Variants in CSPG4 observed in about 807,000 individuals in gnomAD.
CSPG4 encodes the protein chondroitin sulfate proteoglycan 4, also known as chondroitin sulfate proteoglycan 4 (melanoma-associated).
Under a neutral mutation model 139.3 loss-of-function variants are expected in CSPG4, and 74 were observed. The observed-to-expected ratio is 0.53, with a 90% CI of 0.44 to 0.64. The LOEUF is 0.64. CSPG4 is among the 30% of genes least tolerant of loss of function. The probability of loss-of-function intolerance (pLI) is 0.00; values close to 1 mark genes in which losing one functional copy is unlikely to be tolerated. For missense variants in CSPG4, 2,565 were observed against 3,148.3 expected (o/e 0.81, Z 4.43); for synonymous variants, 1,234 against 1,394.2 (o/e 0.89, Z 2.56).
At chr15:75,713,252 C>T (rs746077508), upstream of CSPG4, among the ~76,000 whole-genome samples, 3 of 152,210 alleles carry the variant, frequency 2.0e-5, no homozygotes, top group Non-Finnish European at 4.4e-5. Flanking sequence ...CCCTCACAGG[C>T]GGCTTTTGGG....
Position 75,676,683 on chromosome 15 carries a change from G to A in CSPG4, c.5836C>T (p.Leu1946=). 5 of 1,592,192 alleles carry A rather than the reference G, an allele frequency of 3.1e-6. No individual in the cohort carries two copies. Among genetic ancestry groups the A allele is most frequent in the Non-Finnish European group, 4.3e-6 (5 of 1,167,548 alleles). Residue 1946 remains leucine (L), a synonymous_variant, in exon 10 of 10, where the codon CTG becomes TTG. Coordinates refer to ENST00000308508, the MANE Select transcript of CSPG4 (RefSeq NM_001897.5). ...DILPSAIEVQ[L]RAPLEVPQAL... ...TGGGGCACCTCCAGGGGTGCCCGCAGCTGCACCTCGATGGCGGATGGTAGG... is the reference window on the plus strand; with the variant it reads ...TGGGGCACCTCCAGGGGTGCCCGCAACTGCACCTCGATGGCGGATGGTAGG...
rs1189123072 is a variant in CSPG4, at chr15:75,696,517, C to T, written c.89-3284G>A. 6.6e-6 allele frequency among the ~76,000 whole-genome samples: 1 copy of T among 151,848 alleles called. No individual in the cohort carries two copies. On this transcript the variant is annotated intron_variant, in intron 1 of 9. Coordinates refer to ENST00000308508, the MANE Select transcript of CSPG4 (RefSeq NM_001897.5). The surrounding 1 kb of genome is among the most constrained non-coding windows in gnomAD (Gnocchi z 4.2). ...AAGGCTGTGTGTTTGTGTGTGTGTG[C>T]GCGTGTGTGGGCCGGGAGCTGCCAG...
Position 75,698,381 on chromosome 15 carries a change from C to T in CSPG4, c.89-5148G>A, listed in dbSNP as rs1333418810. ...AATGCCGGCTCTGTGAGAGCATGGA[C>T]GGGCCAGGTGTGCTTCCCCAGCAGC... On this transcript the variant is annotated intron_variant, in intron 1 of 9. Coordinates refer to ENST00000308508, the MANE Select transcript of CSPG4 (RefSeq NM_001897.5). The surrounding 1 kb of genome is among the most constrained non-coding windows in gnomAD (Gnocchi z 4.3). Among the ~76,000 whole-genome samples the T allele has an allele frequency of 3.3e-5, 5 of 152,026 alleles. No homozygotes were observed. The highest frequency in any genetic ancestry group is 3.9e-4 in the East Asian group (2 of 5,162).
At position 75,677,251 on chromosome 15, in the gene CSPG4, G is replaced by T; in HGVS notation, c.5268C>A (p.Ser1756Arg). The change falls in exon 10 of 10, where the codon AGC becomes AGA. Residue 1756 changes from serine to arginine, a missense_variant. Ser to Arg is a moderately radical substitution (Grantham distance 110). Around this residue, in one of 5 missense-constraint regions of CSPG4, gnomAD observed 2,316 missense variants for 2,818.2 expected, o/e 0.82. Coordinates refer to ENST00000308508, the MANE Select transcript of CSPG4 (RefSeq NM_001897.5). ...CCTCGGACACCAACAGCTGGCCCCGGCTGGGGAACTGTGTGACCTGGAAGA... is the reference window on the plus strand; with the variant it reads ...CCTCGGACACCAACAGCTGGCCCCGTCTGGGGAACTGTGTGACCTGGAAGA... Reference protein sequence around the residue: ...DVLFQVTQFPSRGQLLVSEEP... With the variant: ...DVLFQVTQFPRRGQLLVSEEP... The T allele has an allele frequency of 6.7e-7, 1 of 1,490,558 alleles. No individual in the cohort carries two copies. The highest frequency in any genetic ancestry group is 9.0e-7 in the Non-Finnish European group (1 of 1,115,764). 92.3% of individuals were successfully genotyped at this position (1,490,558 alleles called of 1,614,324 possible). A position where few individuals can be genotyped will look rare whatever the true frequency, so the allele number is the denominator to read the frequency against.
chr15:75,688,328 C>G lies in CSPG4; in HGVS notation c.2737G>C (p.Gly913Arg). ...TGGTCAGCAGAGAGGACACCCTCAC[C>G]ACCCTCAGGCACCACGAGGAGGACA... ...TNVLLVVPEG[G>R]EGVLSADHLF... The change falls in exon 3 of 10, where the codon GGT becomes CGT. Residue 913 changes from glycine to arginine, a missense_variant. Physicochemically the swap from Gly to Arg is moderately radical, Grantham distance 125 (BLOSUM62 -2). Transcript: ENST00000308508. The G allele has an allele frequency of 6.2e-7, 1 of 1,613,276 alleles. No homozygotes were observed. Among genetic ancestry groups the G allele is most frequent in the Admixed American group, 1.7e-5 (1 of 60,032 alleles).
intron 8 of CSPG4, chr15:75,679,179 C>G (rs908940751): frequency 5.6e-6 from 1 of 178,592 alleles, no homozygotes; most frequent in Non-Finnish European, 1.2e-5. Context: ...CTGCCGATAT[C>G]TAATAGACAC....
chr15:75,713,046 A>G (rs1037278926), upstream of CSPG4, among the ~76,000 whole-genome samples: 2 of 152,172 alleles, frequency 1.3e-5, no homozygotes, highest in African/African-American at 4.8e-5. Context: ...GCCCCACCCT[A>G]AAGACTTAGA....
upstream of CSPG4, chr15:75,712,968 G>A: frequency 1.9e-6 from 1 of 526,202 alleles, no homozygotes; most frequent in Non-Finnish European, 3.3e-6. Context: ...CCTTCTTAAA[G>A]GGCCCGTGCG....
chr15:75,676,044 C>T lies in CSPG4; in HGVS notation c.6475G>A (p.Asp2159Asn), dbSNP rs1162865672. Residue 2159 changes from aspartate (D) to asparagine (N), a missense_variant, in exon 10 of 10, where the codon GAC becomes AAC. Coordinates refer to ENST00000308508, the MANE Select transcript of CSPG4 (RefSeq NM_001897.5). ...GCATTGTAAGGCTCAGTGGCAAAGT[C>T]CAGGGAGGCCACAGCAGGCGGGACG... ...QGVPPAVASLDFATEPYNAAR... is the reference protein window; with the variant it reads ...QGVPPAVASLNFATEPYNAAR... 1 of 1,546,724 alleles carries T rather than the reference C, an allele frequency of 6.5e-7. No homozygotes were observed. The highest frequency in any genetic ancestry group is 8.7e-7 in the Non-Finnish European group (1 of 1,150,734).
Position 75,692,239 on chromosome 15 carries a change from CT to C in CSPG4, c.252+830del, listed in dbSNP as rs530579955. ...CCTCAGGTGATCCACCCGCCTCAGC[CT>C]CCCAAAGTGCTGGGATTACAGGCAT... On this transcript the variant is annotated intron_variant, in intron 2 of 9. Transcript: ENST00000308508. Among the ~76,000 whole-genome samples, 203 of 152,332 alleles carry C rather than the reference CT, an allele frequency of 1.3e-3. 1 individual carries two copies. Among genetic ancestry groups the C allele is most frequent in the African/African-American group, 4.7e-3 (197 of 41,576 alleles).
chr15:75,712,890 G>C, upstream of CSPG4: 1 of 670,838 alleles, frequency 1.5e-6, no homozygotes, highest in South Asian at 2.1e-5. Context: ...CCGGGGGCGG[G>C]GCAGGCGCAG....
chr15:75,712,816 GAGT>G lies in CSPG4; in HGVS notation c.-64_-62del. 16 of 1,406,178 alleles carry G rather than the reference GAGT, an allele frequency of 1.1e-5. No homozygotes were observed. Among genetic ancestry groups the G allele is most frequent in the Non-Finnish European group, 1.5e-5 (16 of 1,053,024 alleles). 87.1% of individuals were successfully genotyped at this position (1,406,178 alleles called of 1,614,324 possible). On this transcript the variant is annotated 5_prime_UTR_variant, in exon 1 of 10. Transcript: ENST00000308508. Reference sequence around the variant, plus strand: ...AGCGGAGTCCTGGGAGCTGGGAGCTGAGTGGAGCGAGCGCGGCTCTGCTCCTGG... The same window carrying G: ...AGCGGAGTCCTGGGAGCTGGGAGCTGGGAGCGAGCGCGGCTCTGCTCCTGG...
Position 75,684,835 on chromosome 15 carries a change from G to A in CSPG4, c.4350C>T (p.Ala1450=). The A allele has an allele frequency of 1.9e-6, 3 of 1,613,682 alleles. No individual in the cohort carries two copies. The highest frequency in any genetic ancestry group is 8.5e-7 in the Non-Finnish European group (1 of 1,179,868). ...LTDSFVLMAN[A]SEMDRQSHPV... is the part of the protein sequence containing the mutation. Reference sequence around the variant, plus strand: ...GATGGCTCTGGCGATCCATCTCGGAGGCATTAGCCATCAGGACAAAACTGT... The same window carrying A: ...GATGGCTCTGGCGATCCATCTCGGAAGCATTAGCCATCAGGACAAAACTGT... The change falls in exon 5 of 10, where the codon GCC becomes GCT. Residue 1450 remains alanine, a synonymous_variant. Coordinates refer to ENST00000308508, the MANE Select transcript of CSPG4 (RefSeq NM_001897.5).
chr15:75,675,982 G>C lies in CSPG4; in HGVS notation c.6537C>G (p.Pro2179=). Residue 2179 remains proline (P), a synonymous_variant, in exon 10 of 10, where the codon CCC becomes CCG. Coordinates refer to ENST00000308508, the MANE Select transcript of CSPG4 (RefSeq NM_001897.5). Reference sequence around the variant, plus strand: ...TCCCTGCTTCCGTCCGGGCGGCCTCGGGGACACTGAGCAGGGCCACGCTGT... The same window carrying C: ...TCCCTGCTTCCGTCCGGGCGGCCTCCGGGACACTGAGCAGGGCCACGCTGT... ...RPYSVALLSV[P]EAARTEAGKP... 6.3e-7 allele frequency: 1 copy of C among 1,577,110 alleles called. No homozygotes were observed. The highest frequency in any genetic ancestry group is 8.6e-7 in the Non-Finnish European group (1 of 1,166,486).
At position 75,677,717 on chromosome 15, in the gene CSPG4, AG is replaced by A. The variant is rs1480451244; in HGVS notation, c.5119del (p.Leu1707SerfsTer78). ...EAACPQRPSH[L>X]WKNKGLWVPE... ...ATGCTGTTCACCTTTGTTCTTCCAG[AG>A]GTGGCTGGGGCGCTGGGGACAGGCA... On this transcript the variant is annotated frameshift_variant, in exon 9 of 10. Transcript: ENST00000308508. LOFTEE classifies it low-confidence loss of function (END_TRUNC). The A allele has an allele frequency of 6.2e-7, 1 of 1,602,862 alleles. No individual in the cohort carries two copies. Among genetic ancestry groups the A allele is most frequent in the Non-Finnish European group, 8.5e-7 (1 of 1,175,458 alleles).
At chr15:75,700,662 C>A (rs776662856) in intron 1 of CSPG4, among the ~76,000 whole-genome samples, 8 of 152,142 alleles carry the variant, frequency 5.3e-5, no homozygotes, top group Non-Finnish European at 1.0e-4. Context: ...GACCAGGCAG[C>A]CCATGGCTCA....
chr15:75,712,830 C>T lies in CSPG4; in HGVS notation c.-75G>A. On this transcript the variant is annotated 5_prime_UTR_variant, in exon 1 of 10. Coordinates refer to ENST00000308508, the MANE Select transcript of CSPG4 (RefSeq NM_001897.5). ...AGCTGGGAGCTGAGTGGAGCGAGCG[C>T]GGCTCTGCTCCTGGGCGCGGGCCGG... is the stretch of plus-strand genomic sequence containing the variant. The T allele has an allele frequency of 7.6e-7, 1 of 1,311,024 alleles. No individual in the cohort carries two copies. The allele number at this position is 1,311,024 out of a possible 1,614,324, so 81.2% of individuals were successfully genotyped here. A position where few individuals can be genotyped will look rare whatever the true frequency, so the allele number is the denominator to read the frequency against.
At position 75,698,531 on chromosome 15, in the gene CSPG4, G is replaced by A. The variant is rs1185712174; in HGVS notation, c.89-5298C>T. ...AATCTACTTCCAACCAAGCAGGCAGGGCATGGGTGAGTGTGTGCAGGAATG... is the reference window on the plus strand; with the variant it reads ...AATCTACTTCCAACCAAGCAGGCAGAGCATGGGTGAGTGTGTGCAGGAATG... On this transcript the variant is annotated intron_variant, in intron 1 of 9. Transcript: ENST00000308508. The surrounding 1 kb of genome is among the most constrained non-coding windows in gnomAD (Gnocchi z 4.3). Among the ~76,000 whole-genome samples the A allele has an allele frequency of 6.6e-6, 1 of 152,002 alleles. No homozygotes were observed. The highest frequency in any genetic ancestry group is 1.5e-5 in the Non-Finnish European group (1 of 68,000).
chr15:75,705,768 C>T (rs1163639122), intron 1 of CSPG4, among the ~76,000 whole-genome samples: 3 of 152,170 alleles, frequency 2.0e-5, no homozygotes, highest in East Asian at 1.9e-4. Context: ...GGCTCCCTCT[C>T]AGCTGCTCGC....
Sources: gnomAD v4.1 joint callset for allele counts (sites outside exome capture counted in the v4.1 genomes callset) on GRCh38, gnomAD v4.1.1 for gene constraint, gnomAD v4.1.1 regional missense constraint, Gnocchi (gnomAD v3.1) non-coding constraint, MANE v1.5 for transcripts, NCBI Gene and HGNC (gene_info 2026-07-23, HGNC 2026-07-21) for gene names.